The following ELOVL6 variants were observed in gnomAD, a reference collection of about 807,000 sequenced individuals.
ELOVL6 encodes ELOVL fatty acid elongase 6.
A neutral mutation model predicts 31.7 loss-of-function variants in ELOVL6; 8 were observed. The ratio of observed to expected loss-of-function variants is 0.25; its 90% CI spans 0.15 to 0.45. The LOEUF (loss-of-function observed/expected upper bound fraction) is 0.45, where lower values mean the gene tolerates loss of function less well. ELOVL6 is among the 20% of genes least tolerant of loss of function. ELOVL6 has a pLI of 1.00. For missense variants in ELOVL6, 126 were observed against 326.4 expected (o/e 0.39, Z 4.73); for synonymous variants, 101 against 117.7 (o/e 0.86, Z 0.92).
At chr4:110,131,044 A>T (rs954529559) in intron 1 of ELOVL6, among the ~76,000 whole-genome samples, 79 of 152,208 alleles carry the variant, frequency 5.2e-4, no homozygotes, top group Non-Finnish European at 2.9e-4. Context: ...TTTTACAGGT[A>T]AGGAAGCTTT....
intron 1 of ELOVL6, among the ~76,000 whole-genome samples, chr4:110,122,205 T>C (rs1300383555): frequency 2.0e-5 from 3 of 152,160 alleles, no homozygotes; most frequent in Non-Finnish European, 4.4e-5. Flanking sequence ...TAAAAGGAAA[T>C]GTAAACATTA....
intron 1 of ELOVL6, among the ~76,000 whole-genome samples, chr4:110,187,599 G>A (rs545397755): frequency 6.6e-6 from 1 of 151,834 alleles, no homozygotes; most frequent in Non-Finnish European, 1.5e-5. Flanking sequence ...GGGAGGCTGA[G>A]GCAGGAGGAT....
intron 1 of ELOVL6, among the ~76,000 whole-genome samples, chr4:110,147,780 G>GACAC (rs58644594): frequency 0.026 from 3,779 of 142,684 alleles, 70 homozygotes; most frequent in South Asian, 0.1. Flanking sequence ...GACAGAGCAG[G>GACAC]ACACACACAC....
chr4:110,112,120 G>C (rs1410395552), intron 1 of ELOVL6, among the ~76,000 whole-genome samples: 1 of 134,914 alleles, frequency 7.4e-6, no homozygotes, highest in Admixed American at 7.9e-5. Context: ...GCTGGATGAA[G>C]TCATGAAGGG....
rs549077961 is a variant in ELOVL6, at chr4:110,183,664, T to C, written c.89+14583A>G. On this transcript the variant is annotated intron_variant, in intron 1 of 3. Coordinates refer to ENST00000302274, the MANE Select transcript of ELOVL6 (RefSeq NM_024090.3). ...TTTCTTCCAGGTTTTTTTCTTCTTG[T>C]GCATACAATTCCACCCTTCCTTCTA... Among the ~76,000 whole-genome samples the C allele has an allele frequency of 2.0e-5, 3 of 152,316 alleles. No homozygotes were observed. The East Asian group carries it at 5.8e-4, about 29-fold the overall frequency.
intron 1 of ELOVL6, among the ~76,000 whole-genome samples, chr4:110,186,185 G>A (rs1047102820): frequency 2.0e-5 from 3 of 151,904 alleles, no homozygotes; most frequent in African/African-American, 2.4e-5. Context: ...GCGAGACTCC[G>A]TCCCAAAACA....
Position 110,187,957 on chromosome 4 carries a change from C to T in ELOVL6, c.89+10290G>A, listed in dbSNP as rs146253040. Reference sequence around the variant, plus strand: ...TTTCTTTTCCTGTAACTATTTCTTACCTTAGAATCAGGAAAAGAATTTAAA... The same window carrying T: ...TTTCTTTTCCTGTAACTATTTCTTATCTTAGAATCAGGAAAAGAATTTAAA... On this transcript the variant is annotated intron_variant, in intron 1 of 3. Transcript: ENST00000302274. Among the ~76,000 whole-genome samples, 1,259 of 152,212 alleles carry T rather than the reference C, an allele frequency of 8.3e-3. 13 individuals carry two copies. The highest frequency in any genetic ancestry group is 0.028 in the African/African-American group (1,166 of 41,536).
At chr4:110,097,840 T>A (rs1362152641) in intron 2 of ELOVL6, among the ~76,000 whole-genome samples, 2 of 152,092 alleles carry the variant, frequency 1.3e-5, no homozygotes, top group African/African-American at 2.4e-5. Context: ...AATTTTACTT[T>A]TAGAAGAATA....
chr4:110,082,338 C>T (rs1197140733), intron 2 of ELOVL6, among the ~76,000 whole-genome samples: 1 of 151,968 alleles, frequency 6.6e-6, no homozygotes, highest in Non-Finnish European at 1.5e-5. Context: ...AGACTTGGAA[C>T]CAACCCAAAT....
chr4:110,055,923 C>T (rs9997926), intron 3 of ELOVL6, among the ~76,000 whole-genome samples: 12,445 of 152,056 alleles, frequency 0.082, 553 homozygotes, highest in Middle Eastern at 0.095. Flanking sequence ...AATGAGCTCA[C>T]GGTTTTCTGC....
chr4:110,058,739 T>C (rs546416802), intron 3 of ELOVL6, among the ~76,000 whole-genome samples: 171 of 152,254 alleles, frequency 1.1e-3, no homozygotes, highest in African/African-American at 4.0e-3. Flanking sequence ...GCAATTGATA[T>C]CTTTTGAACT....
At chr4:110,156,716 A>T (rs1227481967) in intron 1 of ELOVL6, among the ~76,000 whole-genome samples, 1 of 152,166 alleles carries the variant, frequency 6.6e-6, no homozygotes, top group African/African-American at 2.4e-5. Flanking sequence ...GGGCCCATGT[A>T]ATAAAGCACA....
intron 2 of ELOVL6, among the ~76,000 whole-genome samples, chr4:110,074,502 G>A (rs6858635): frequency 0.58 from 87,537 of 151,894 alleles, 27,088 homozygotes; most frequent in African/African-American, 0.81. Context: ...AAGGAAGGAG[G>A]GACCTGAAAT....
intron 2 of ELOVL6, among the ~76,000 whole-genome samples, chr4:110,084,209 AACATATAACTTATATGATATATATAAC>A (rs1756077112): frequency 1.4e-5 from 1 of 69,820 alleles, no homozygotes; most frequent in Non-Finnish European, 2.5e-5. Flanking sequence ...TGATATATAT[AACATATAACTTATATGATATATATAAC>A]ATATATGATA....
intron 2 of ELOVL6, among the ~76,000 whole-genome samples, chr4:110,084,281 T>C (rs147914227): frequency 0.035 from 4,202 of 120,108 alleles, 799 homozygotes; most frequent in African/African-American, 0.15. Context: ...ATATATAACA[T>C]ATATAACTTA....
At chr4:110,056,051 G>C (rs1346748791) in intron 3 of ELOVL6, among the ~76,000 whole-genome samples, 1 of 149,284 alleles carries the variant, frequency 6.7e-6, no homozygotes, top group African/African-American at 2.5e-5. Context: ...ATGGAGTAAT[G>C]GTTGCTCAAC....
chr4:110,130,007 C>T (rs1009717010), intron 1 of ELOVL6, among the ~76,000 whole-genome samples: 1 of 147,666 alleles, frequency 6.8e-6, no homozygotes, highest in Non-Finnish European at 1.5e-5. Context: ...AAGCAGTTCT[C>T]CTGCCTCAGC....
intron 1 of ELOVL6, among the ~76,000 whole-genome samples, chr4:110,127,904 G>A (rs1198742468): frequency 1.3e-5 from 2 of 151,960 alleles, no homozygotes; most frequent in African/African-American, 4.8e-5. Flanking sequence ...CAGAAAAGCA[G>A]GGGACTAAAA....
At chr4:110,080,493 C>T (rs1249869146) in intron 2 of ELOVL6, among the ~76,000 whole-genome samples, 1 of 152,216 alleles carries the variant, frequency 6.6e-6, no homozygotes, top group Non-Finnish European at 1.5e-5. Context: ...ACAAAAACCA[C>T]ATGATTATCT....
Sources: allele counts gnomAD v4.1 joint callset (sites outside exome capture counted in the v4.1 genomes callset), GRCh38; gene constraint gnomAD v4.1.1; transcripts MANE v1.5; gene names NCBI Gene and HGNC (gene_info 2026-07-23, HGNC 2026-07-21).